CIAO2A: variants seen among roughly 807,000 people sequenced by gnomAD.
CIAO2A encodes the protein cytosolic iron-sulfur assembly component 2A.
In CIAO2A, 17 loss-of-function variants were observed where a neutral mutation model predicts 22.4. The ratio of observed to expected loss-of-function variants is 0.76; its 90% confidence interval spans 0.52 to 1.14. CIAO2A has a LOEUF of 1.14. Among genes scored for constraint, CIAO2A ranks in the 50% most tolerant of loss-of-function variants. The pLI is 0.00. For missense variants in CIAO2A, 192 were observed against 191.4 expected, an observed-to-expected ratio of 1.00 and a Z score of -0.02; for synonymous variants, 74 against 72.3, an observed-to-expected ratio of 1.02 and a Z score of -0.12.
chr15:64,072,585 A>C lies in CIAO2A; in HGVS notation c.*346T>G, dbSNP rs2080680092. On this transcript the variant is annotated 3_prime_UTR_variant, in exon 5 of 5. Coordinates refer to ENST00000300030, the MANE Select transcript of CIAO2A (RefSeq NM_032231.7). Reference sequence around the variant, plus strand: ...CATTATAAGAATCATCTGCTTATTTATTTTACAGAGTAATGATTTAAATTG... The same window carrying C: ...CATTATAAGAATCATCTGCTTATTTCTTTTACAGAGTAATGATTTAAATTG... 5.9e-6 allele frequency: 1 copy of C among 169,990 alleles called. No homozygotes were observed. The highest frequency in any genetic ancestry group is 1.3e-5 in the Non-Finnish European group (1 of 79,948). The allele number at this position is 169,990 out of a possible 1,614,324, so 10.5% of individuals were successfully genotyped here. A position where few individuals can be genotyped will look rare whatever the true frequency, so the allele number is the denominator to read the frequency against.
At chr15:64,093,088 T>C (rs1368818830) in intron 1 of CIAO2A, among the ~76,000 whole-genome samples, 2 of 152,168 alleles carry the variant, frequency 1.3e-5, no homozygotes, top group African/African-American at 4.8e-5. Context: ...GTGTGTGCGT[T>C]ATGTGTGTGT....
intron 3 of CIAO2A, among the ~76,000 whole-genome samples, chr15:64,078,641 A>AAAAC (rs2080737560): frequency 1.5e-5 from 1 of 66,330 alleles, no homozygotes; most frequent in South Asian, 1.5e-3. Flanking sequence ...ATCGCAAACA[A>AAAAC]AAAAAAAAAA....
chr15:64,074,093 TC>T (rs888079468), intron 4 of CIAO2A, among the ~76,000 whole-genome samples: 6 of 152,078 alleles, frequency 3.9e-5, no homozygotes, highest in African/African-American at 7.2e-5. Flanking sequence ...ATCTACTAGA[TC>T]TTTTTTTAAA....
rs759010508 is a variant in CIAO2A at position 64,093,627 on chromosome 15, C to T, written c.124+18G>A. The T allele has an allele frequency of 1.1e-5, 17 of 1,606,782 alleles. No individual in the cohort carries two copies. The Admixed American group carries it at 2.5e-4, about 24-fold the overall frequency. ...TGCACCTATAACGCCAAATGCTGTG[C>T]TGGGTAAAATTAATTACCATAAACT... On this transcript the variant is annotated intron_variant, in intron 1 of 4. Transcript: ENST00000300030.
chr15:64,074,917 T>C (rs910995719), intron 4 of CIAO2A: 1 of 152,342 alleles, frequency 6.6e-6, no homozygotes, highest in East Asian at 1.9e-4. Context: ...ACTCTATCAT[T>C]TGTAGATTAA....
chr15:64,084,341 C>A (rs1180661912), intron 2 of CIAO2A, among the ~76,000 whole-genome samples: 1 of 152,116 alleles, frequency 6.6e-6, no homozygotes, highest in Non-Finnish European at 1.5e-5. Flanking sequence ...TTCCTTAACT[C>A]CTGCGTCAAA....
At chr15:64,079,301 G>A (rs563863719) in intron 3 of CIAO2A, among the ~76,000 whole-genome samples, 2 of 152,138 alleles carry the variant, frequency 1.3e-5, no homozygotes, top group South Asian at 4.1e-4. Context: ...AACACTTTGA[G>A]AGGCCAAGGC....
At chr15:64,075,692 C>T (rs2080712305) in intron 3 of CIAO2A, among the ~76,000 whole-genome samples, 155 bp from the exon 4 acceptor site, 1 of 151,104 alleles carries the variant, frequency 6.6e-6, no homozygotes, top group South Asian at 2.1e-4. Flanking sequence ...ACCCTGTTGC[C>T]CAGGCTGGAG....
At chr15:64,086,800 G>C (rs1289167622) in intron 2 of CIAO2A, among the ~76,000 whole-genome samples, 1 of 148,326 alleles carries the variant, frequency 6.7e-6, no homozygotes, top group Non-Finnish European at 1.5e-5. Flanking sequence ...TTTTAGTAGA[G>C]ATGGGGTTTC....
In CIAO2A at chr15:64,085,794, C is replaced by T. The variant is rs137986326; in HGVS notation, c.289+2893G>A. On this transcript the variant is annotated intron_variant, in intron 2 of 4. Coordinates refer to ENST00000300030, the MANE Select transcript of CIAO2A (RefSeq NM_032231.7). ...CGTGACCTTCGCTCACTGCAACCTC[C>T]GCCTCCCGGGTTCAAGCGATTCTCC... is the stretch of plus-strand genomic sequence containing the variant. Among the ~76,000 whole-genome samples, 1,044 of 152,018 alleles carry T rather than the reference C, an allele frequency of 6.9e-3. 9 individuals are homozygous for T. The highest frequency in any genetic ancestry group is 0.024 in the African/African-American group (981 of 41,486).
rs332259 is a variant in CIAO2A, at chr15:64,093,652, T to C, written c.117A>G (p.Glu39=). 0.98 allele frequency: 1,587,477 copies of C among 1,613,630 alleles called. 783,336 individuals carry two copies. The highest frequency in any genetic ancestry group is 1 in the East Asian group (44,875 of 44,876). The change falls in exon 1 of 5, where the codon GAA becomes GAG. Residue 39 remains glutamate (E), a synonymous_variant. Transcript: ENST00000300030. ...CTGGGTAAAATTAATTACCATAAAC[T>C]TCTAGCGCTTTCTCTTCCATGATCC... The part of the protein sequence containing the change: ...QPRIMEEKAL[E]VYDLIRTIRD...
intron 3 of CIAO2A, 54 bp downstream of exon 3, chr15:64,081,048 T>A: frequency 6.5e-7 from 1 of 1,546,656 alleles, no homozygotes; most frequent in Non-Finnish European, 8.9e-7. Flanking sequence ...GTGAATTATA[T>A]CTCAACAAAG....
chr15:64,072,975 T>C lies in CIAO2A; in HGVS notation c.439A>G (p.Asn147Asp), dbSNP rs781146659. 1.2e-6 allele frequency: 2 copies of C among 1,613,884 alleles called. No homozygotes were observed. The highest frequency in any genetic ancestry group is 2.7e-5 in the African/African-American group (2 of 74,926). The change falls in exon 5 of 5, where the codon AAC (asparagine) becomes GAC (aspartate). Residue 147 changes from asparagine (N) to aspartate (D), a missense_variant. Transcript: ENST00000300030. ...ERVAAAMENP[N>D]LREIVEQCVL... is the part of the protein sequence containing the mutation. ...CACTGTTCCACAATTTCCCGTAAGT[T>C]GGGGTTTTCCATTGCAGCTGCCACT... is the stretch of plus-strand genomic sequence containing the variant.
At chr15:64,081,534 C>CTTTT (rs1567306106) in intron 2 of CIAO2A, among the ~76,000 whole-genome samples, 12 of 24,402 alleles carry the variant, frequency 4.9e-4, no homozygotes, top group Non-Finnish European at 9.2e-4. Context: ...ACTCATTAAG[C>CTTTT]CTTTTTTTTT....
chr15:64,075,382 G>T, intron 4 of CIAO2A, 110 bp downstream of exon 4: 1 of 658,780 alleles, frequency 1.5e-6, no homozygotes, highest in Non-Finnish European at 2.5e-6. Flanking sequence ...AACCAATTGT[G>T]CACTTTTTTG....
chr15:64,078,630 C>T (rs1218335199), intron 3 of CIAO2A, among the ~76,000 whole-genome samples: 1 of 105,130 alleles, frequency 9.5e-6, no homozygotes, highest in Non-Finnish European at 1.9e-5. Context: ...AGCGAGATTC[C>T]ATCGCAAACA....
chr15:64,079,935 A>T (rs945012010), intron 3 of CIAO2A, among the ~76,000 whole-genome samples: 1 of 152,234 alleles, frequency 6.6e-6, no homozygotes, highest in Non-Finnish European at 1.5e-5. Flanking sequence ...TTGTATTTAG[A>T]CTATATAAAG....
intron 2 of CIAO2A, among the ~76,000 whole-genome samples, chr15:64,082,814 T>G (rs898326491): frequency 1.3e-5 from 2 of 152,212 alleles, no homozygotes; most frequent in African/African-American, 4.8e-5. Context: ...TGAGATACTT[T>G]GGGTTTCAAA....
intron 1 of CIAO2A, 109 bp downstream of exon 1, chr15:64,093,536 A>G: frequency 7.7e-7 from 1 of 1,296,290 alleles, no homozygotes; most frequent in Non-Finnish European, 1.0e-6. Flanking sequence ...CAAACAAACA[A>G]AAAAAAAGGT....
Sources: gnomAD v4.1 joint callset for allele counts (sites outside exome capture counted in the v4.1 genomes callset) on GRCh38, gnomAD v4.1.1 for gene constraint, MANE v1.5 for transcripts, NCBI Gene and HGNC (gene_info 2026-07-23, HGNC 2026-07-21) for gene names.